CNBD1: variants seen among roughly 807,000 people sequenced by gnomAD.
CNBD1 encodes the protein cyclic nucleotide binding domain containing 1, also known as cyclic nucleotide-binding domain-containing protein 1.
A neutral mutation model predicts 54.4 loss-of-function variants in CNBD1; 71 were observed. The ratio of observed to expected loss-of-function variants is 1.30; its 90% CI spans 1.08 to 1.59. The LOEUF (loss-of-function observed/expected upper bound fraction) is 1.59, where lower values mean the gene tolerates loss of function less well. CNBD1 is among the 40% of genes most tolerant of loss of function. The pLI is 0.00. For synonymous variants in CNBD1, 182 were observed against 170.7 expected (o/e 1.07, Z -0.51); for missense variants, 659 against 518.0 (o/e 1.27, Z -2.64).
At chr8:87,050,615 GGTGCAAC>G (rs1167659445) in intron 4 of CNBD1, among the ~76,000 whole-genome samples, 1 of 152,122 alleles carries the variant, frequency 6.6e-6, no homozygotes, top group African/African-American at 2.4e-5. Flanking sequence ...TGAGAGTCAG[GGTGCAAC>G]TAAATGTAGA....
At chr8:87,396,191 CTCAT>C (rs991955906) in intron 2 of CNBD1, among the ~76,000 whole-genome samples, 2 of 151,920 alleles carry the variant, frequency 1.3e-5, no homozygotes, top group Non-Finnish European at 2.9e-5. Context: ...TTTCCTCAAT[CTCAT>C]TCCTTCCTTA....
At chr8:87,127,797 G>T (rs73693043) in intron 4 of CNBD1, among the ~76,000 whole-genome samples, 10,149 of 152,122 alleles carry the variant, frequency 0.067, 1,122 homozygotes, top group African/African-American at 0.22. Context: ...ACAGGAGGCA[G>T]ATAAATACTG....
At chr8:87,040,842 C>T (rs1453106947) in intron 4 of CNBD1, among the ~76,000 whole-genome samples, 1 of 150,914 alleles carries the variant, frequency 6.6e-6, no homozygotes, top group African/African-American at 2.4e-5. Flanking sequence ...TATAATAAAG[C>T]TTTTAAATTT....
At chr8:87,322,222 T>A in intron 8 of CNBD1, among the ~76,000 whole-genome samples, 1 of 106,814 alleles carries the variant, frequency 9.4e-6, no homozygotes, top group Non-Finnish European at 2.1e-5. Flanking sequence ...ATTTGGGTTG[T>A]TTCCAAGTCT....
intron 2 of CNBD1, among the ~76,000 whole-genome samples, chr8:87,391,642 G>A (rs1408304476): frequency 6.6e-6 from 1 of 151,978 alleles, no homozygotes; most frequent in East Asian, 1.9e-4. Flanking sequence ...TGGGATAATA[G>A]AAGACTGAAG....
At position 86,911,936 on chromosome 8, in the gene CNBD1, A is replaced by G. The variant is rs906659424; in HGVS notation, c.272+6742A>G. Among the ~76,000 whole-genome samples, 3 of 152,286 alleles carry G rather than the reference A, an allele frequency of 2.0e-5. No homozygotes were observed. In the South Asian group the frequency reaches 6.2e-4, roughly 32 times the overall value. Reference sequence around the variant, plus strand: ...GTTAAAGATCTCTACTAGGAAAACTATAAATTTTAATGCTGATGAAAAAAA... The same window carrying G: ...GTTAAAGATCTCTACTAGGAAAACTGTAAATTTTAATGCTGATGAAAAAAA... On this transcript the variant is annotated intron_variant, in intron 3 of 10. Coordinates refer to ENST00000518476, the MANE Select transcript of CNBD1 (RefSeq NM_173538.3).
intron 5 of CNBD1, among the ~76,000 whole-genome samples, chr8:87,223,642 T>G (rs1814401646): frequency 6.6e-6 from 1 of 152,174 alleles, no homozygotes; most frequent in African/African-American, 2.4e-5. Context: ...AGTCTATCAT[T>G]GTTGGACATT....
At chr8:87,399,379 T>C (rs1366298985) in intron 2 of CNBD1, among the ~76,000 whole-genome samples, 2 of 151,990 alleles carry the variant, frequency 1.3e-5, no homozygotes, top group East Asian at 1.9e-4. Context: ...TTTTCTCTGT[T>C]CTCCCCAACA....
At chr8:87,059,773 G>A (rs1252307812) in intron 4 of CNBD1, among the ~76,000 whole-genome samples, 1 of 152,194 alleles carries the variant, frequency 6.6e-6, no homozygotes, top group Non-Finnish European at 1.5e-5. Context: ...ATTTTGGCGT[G>A]GGCACAGCCA....
chr8:87,333,171 C>T (rs552216477), intron 8 of CNBD1, among the ~76,000 whole-genome samples: 11 of 152,088 alleles, frequency 7.2e-5, no homozygotes, highest in African/African-American at 2.7e-4. Flanking sequence ...TTGCTCTCTG[C>T]TTGTTGATTG....
chr8:87,145,298 A>G (rs770762952), intron 4 of CNBD1, among the ~76,000 whole-genome samples: 21 of 152,184 alleles, frequency 1.4e-4, no homozygotes, highest in Non-Finnish European at 2.2e-4. Context: ...AATCTTTCAA[A>G]TATGAAGAAA....
intron 6 of CNBD1, among the ~76,000 whole-genome samples, chr8:87,255,913 AG>A (rs1807997895): frequency 7.0e-6 from 1 of 143,206 alleles, no homozygotes; most frequent in Admixed American, 7.2e-5. Flanking sequence ...AAGACAAAAA[AG>A]ACTGATGTTG....
chr8:87,170,519 A>C (rs760686382), intron 4 of CNBD1, among the ~76,000 whole-genome samples: 2 of 138,658 alleles, frequency 1.4e-5, no homozygotes. Flanking sequence ...AAAGGCTTGC[A>C]GTTTTTCCCA....
At chr8:86,975,953 G>T (rs1191471848) in intron 4 of CNBD1, among the ~76,000 whole-genome samples, 1 of 151,476 alleles carries the variant, frequency 6.6e-6, no homozygotes, top group Non-Finnish European at 1.5e-5. Context: ...TTTCATTTTG[G>T]TTTTAATTTA....
intron 2 of CNBD1, among the ~76,000 whole-genome samples, chr8:87,407,422 G>C (rs1807669548): frequency 6.6e-6 from 1 of 151,900 alleles, no homozygotes; most frequent in Non-Finnish European, 1.5e-5. Flanking sequence ...TGGTGTTCTA[G>C]TTTGTGTCTA....
At chr8:87,342,607 G>A (rs189720109) in intron 8 of CNBD1, among the ~76,000 whole-genome samples, 172 of 152,248 alleles carry the variant, frequency 1.1e-3, no homozygotes, top group African/African-American at 3.8e-3. Context: ...GAGAAATAAA[G>A]AGAAAGGGTA....
chr8:87,038,845 T>G (rs1464146477), intron 4 of CNBD1, among the ~76,000 whole-genome samples: 1 of 152,232 alleles, frequency 6.6e-6, no homozygotes, highest in Admixed American at 6.5e-5. Flanking sequence ...TATCATAATT[T>G]TCTCACTGTT....
Position 87,206,148 on chromosome 8 carries a change from T to A in CNBD1, c.577+10T>A. The A allele has an allele frequency of 6.5e-7, 1 of 1,536,548 alleles. No individual in the cohort carries two copies. Among genetic ancestry groups the A allele is most frequent in the South Asian group, 1.2e-5 (1 of 80,012 alleles). On this transcript the variant is annotated intron_variant, in intron 5 of 10. Transcript: ENST00000518476. ...TTGAAAGGCAGCACAGGTAATAGAC[T>A]AATGTGGGATAAATTTGGCGAGATA...
chr8:87,275,757 C>T (rs1269786696), intron 6 of CNBD1, among the ~76,000 whole-genome samples: 4 of 151,390 alleles, frequency 2.6e-5, no homozygotes, highest in African/African-American at 9.7e-5. Flanking sequence ...AAAGGGTATT[C>T]AATTAGGAAA....
Sources: allele counts gnomAD v4.1 joint callset (sites outside exome capture counted in the v4.1 genomes callset), GRCh38; gene constraint gnomAD v4.1.1; transcripts MANE v1.5; gene names NCBI Gene and HGNC (gene_info 2026-07-23, HGNC 2026-07-21).